The following MYOM1 variants were observed in gnomAD, a reference collection of about 807,000 sequenced individuals.
The protein encoded by MYOM1 is myomesin 1, also known as myomesin-1.
MYOM1 carries 164 observed loss-of-function variants against 205.3 expected under a neutral mutation model. The ratio of observed to expected loss-of-function variants is 0.80; its 90% CI spans 0.70 to 0.91. MYOM1 has a LOEUF of 0.91. MYOM1 is among the 40% of genes least tolerant of loss of function. The probability of loss-of-function intolerance (pLI) is 0.00; values close to 1 mark genes in which losing one functional copy is unlikely to be tolerated. For missense variants in MYOM1, 2,011 were observed against 2,127.3 expected (o/e 0.95, Z 1.08); for synonymous variants, 772 against 789.4 (o/e 0.98, Z 0.37).
At chr18:3,165,052 A>C (rs1474291140) in intron 9 of MYOM1, among the ~76,000 whole-genome samples, 1 of 152,202 alleles carries the variant, frequency 6.6e-6, no homozygotes, top group Non-Finnish European at 1.5e-5. Context: ...TGTAACTGTT[A>C]CTGGAGCTGT....
intron 37 of MYOM1, among the ~76,000 whole-genome samples, chr18:3,070,735 TTTGTGTGTG>T (rs1278180970): frequency 2.1e-5 from 2 of 94,442 alleles, no homozygotes; most frequent in African/African-American, 1.1e-4. Flanking sequence ...GTGCATGTTC[TTTGTGTGTG>T]TGTGTGTGTG....
chr18:3,112,256 T>C, intron 22 of MYOM1, 42 bp downstream of exon 22: 6 of 1,558,660 alleles, frequency 3.8e-6, no homozygotes, highest in Non-Finnish European at 5.3e-6. Context: ...TTCAGTATCT[T>C]ACACAGATAG....
chr18:3,178,936 T>C (rs571314382), intron 5 of MYOM1, among the ~76,000 whole-genome samples: 9 of 152,158 alleles, frequency 5.9e-5, no homozygotes, highest in African/African-American at 2.2e-4. Flanking sequence ...GGTGTGATTA[T>C]AGCTCCCTGC....
At chr18:3,083,233 T>C (rs1465047351) in intron 33 of MYOM1, among the ~76,000 whole-genome samples, 1 of 152,090 alleles carries the variant, frequency 6.6e-6, no homozygotes, top group Non-Finnish European at 1.5e-5. Context: ...CATGTACATG[T>C]TGAGGGAAAG....
chr18:3,166,253 T>TATC (rs1394665651), intron 9 of MYOM1, among the ~76,000 whole-genome samples: 2 of 148,220 alleles, frequency 1.3e-5, no homozygotes, highest in African/African-American at 5.0e-5. Flanking sequence ...GATCTCTTTC[T>TATC]ATCTCAAGTC....
intron 10 of MYOM1, among the ~76,000 whole-genome samples, chr18:3,159,917 CCT>C (rs1300717862): frequency 1.4e-5 from 2 of 142,906 alleles, no homozygotes; most frequent in Non-Finnish European, 3.1e-5. Flanking sequence ...TTCCTTCCTT[CCT>C]TCCTTCCTTC....
At chr18:3,195,904 T>C (rs995487384) in intron 2 of MYOM1, among the ~76,000 whole-genome samples, 2 of 152,206 alleles carry the variant, frequency 1.3e-5, no homozygotes, top group African/African-American at 4.8e-5. Context: ...AGTTGAACTT[T>C]ATGCTAAAGA....
At chr18:3,149,005 T>C in intron 13 of MYOM1, 140 bp downstream of exon 13, 1 of 713,286 alleles carries the variant, frequency 1.4e-6, no homozygotes, top group Non-Finnish European at 2.5e-6. Flanking sequence ...TTCTCTGACA[T>C]AAGTTATTTA....
intron 11 of MYOM1, among the ~76,000 whole-genome samples, chr18:3,153,761 G>A (rs1235502485): frequency 2.0e-5 from 3 of 152,180 alleles, no homozygotes; most frequent in Non-Finnish European, 2.9e-5. Context: ...CACCCTTGGT[G>A]CAAACCCATT....
At chr18:3,086,337 C>A (rs1269139025) in intron 29 of MYOM1, among the ~76,000 whole-genome samples, 186 bp from the exon 30 acceptor site, 1 of 152,092 alleles carries the variant, frequency 6.6e-6, no homozygotes, top group African/African-American at 2.4e-5. Context: ...CAAGTGGACA[C>A]CAATGAATAA....
intron 2 of MYOM1, among the ~76,000 whole-genome samples, chr18:3,203,182 T>C (rs998927263): frequency 6.6e-6 from 1 of 151,226 alleles, no homozygotes; most frequent in Non-Finnish European, 1.5e-5. Flanking sequence ...TAAGTGTTTA[T>C]ATTAGAAAAG....
chr18:3,102,699 G>A, intron 22 of MYOM1, 69 bp from the exon 23 acceptor site: 1 of 1,521,970 alleles, frequency 6.6e-7, no homozygotes, highest in Non-Finnish European at 8.9e-7. Flanking sequence ...TTGTTACCTT[G>A]AGATTCTTTA....
In MYOM1 at chr18:3,177,485, ATTT is replaced by A. The variant is rs71868406; in HGVS notation, c.930-1354_930-1352del. Among the ~76,000 whole-genome samples, 634 of 124,940 alleles carry A rather than the reference ATTT, an allele frequency of 5.1e-3. 3 individuals carry two copies. Among genetic ancestry groups the A allele is most frequent in the African/African-American group, 0.014 (469 of 32,898 alleles). 82.0% of individuals were successfully genotyped at this position (124,940 alleles called of 152,430 possible). A position where few individuals can be genotyped will look rare whatever the true frequency, so the allele number is the denominator to read the frequency against. On this transcript the variant is annotated intron_variant, in intron 5 of 37. Coordinates refer to ENST00000356443, the MANE Select transcript of MYOM1 (RefSeq NM_003803.4). ...TATTATTATTATTATTATTATTATT[ATTT>A]GAGACAGAGTTTCACTCTTGTTGCC...
chr18:3,211,119 T>C (rs949144943), intron 2 of MYOM1, among the ~76,000 whole-genome samples: 1 of 152,222 alleles, frequency 6.6e-6, no homozygotes, highest in Non-Finnish European at 1.5e-5. Context: ...TTCATTCTTG[T>C]AAGTTATTCA....
chr18:3,126,906 A>G lies in MYOM1; in HGVS notation c.2795-9T>C, dbSNP rs766682657. 1.9e-6 allele frequency: 3 copies of G among 1,601,696 alleles called. No homozygotes were observed. In the East Asian group the frequency reaches 6.7e-5, roughly 36 times the overall value. ...GGGTGGAGATGGTGGTGCTGTAGCA[A>G]TATGAATAGCTTGTGAGTAGGCAGA... is the stretch of plus-strand genomic sequence containing the variant. On this transcript the variant is annotated splice_polypyrimidine_tract_variant and intron_variant, in intron 18 of 37. Transcript: ENST00000356443.
chr18:3,114,752 T>TA (rs1366752055), intron 21 of MYOM1, among the ~76,000 whole-genome samples: 5 of 151,854 alleles, frequency 3.3e-5, no homozygotes, highest in Admixed American at 6.6e-5. Context: ...ATCAGAAAAA[T>TA]AAAAAAAGAT....
chr18:3,115,390 C>T (rs1326977146), intron 21 of MYOM1, among the ~76,000 whole-genome samples: 1 of 152,092 alleles, frequency 6.6e-6, no homozygotes, highest in Non-Finnish European at 1.5e-5. Flanking sequence ...ATACCCTAAC[C>T]CTGGAGAGTG....
At chr18:3,191,839 G>A (rs2080910502) in intron 3 of MYOM1, among the ~76,000 whole-genome samples, 1 of 152,022 alleles carries the variant, frequency 6.6e-6, no homozygotes, top group African/African-American at 2.4e-5. Context: ...GGGACTACAG[G>A]TGCCCGCCAC....
At chr18:3,200,708 AAAAAT>A (rs2081054772) in intron 2 of MYOM1, among the ~76,000 whole-genome samples, 6 of 152,180 alleles carry the variant, frequency 3.9e-5, no homozygotes, top group Admixed American at 3.9e-4. Flanking sequence ...AAGAATAAAG[AAAAAT>A]TAAAAGAGCC....
Sources: gnomAD v4.1 joint callset for allele counts (sites outside exome capture counted in the v4.1 genomes callset) on GRCh38, gnomAD v4.1.1 for gene constraint, MANE v1.5 for transcripts, NCBI Gene and HGNC (gene_info 2026-07-23, HGNC 2026-07-21) for gene names.